The following ATP4A variants were observed in gnomAD, a reference collection of about 807,000 sequenced individuals.
ATP4A encodes the protein potassium-transporting ATPase alpha chain 1.
A neutral mutation model predicts 112.1 loss-of-function variants in ATP4A; 73 were observed. That is an observed-to-expected ratio of 0.65 (90% CI 0.54 to 0.79). ATP4A has a LOEUF of 0.79. ATP4A is among the 30% of genes least tolerant of loss of function. The pLI is 0.00. For missense variants in ATP4A, 1,081 were observed against 1,425.9 expected (o/e 0.76, Z 3.90); for synonymous variants, 588 against 588.9 (o/e 1.00, Z 0.02).
At position 35,560,671 on chromosome 19, in the gene ATP4A, G is replaced by A. The variant is rs1177767788; in HGVS notation, c.535-56C>T. The stretch of plus-strand genomic sequence containing the variant: ...GACGGGGGTGGGGGTGGGAGCTGCT[G>A]CATGTGGGGAGGTAAAGGATGAGGA... On this transcript the variant is annotated intron_variant, in intron 5 of 21. Transcript: ENST00000262623. The surrounding 1 kb of genome is among the most constrained non-coding windows in gnomAD (Gnocchi z 5.1). The A allele has an allele frequency of 3.8e-6, 6 of 1,589,616 alleles. No individual in the cohort carries two copies. Among genetic ancestry groups the A allele is most frequent in the Admixed American group, 1.7e-5 (1 of 59,168 alleles).
intron 12 of ATP4A, among the ~76,000 whole-genome samples, chr19:35,556,226 G>A (rs1001179583): frequency 6.6e-6 from 1 of 152,166 alleles, no homozygotes; most frequent in Admixed American, 6.5e-5. Flanking sequence ...GCCCTGAGGT[G>A]AGGACAGGCC....
In ATP4A at chr19:35,558,785, G is replaced by T. The variant is rs2071649316; in HGVS notation, c.1256-99C>A. 2.9e-6 allele frequency: 4 copies of T among 1,358,604 alleles called. No homozygotes were observed. The highest frequency in any genetic ancestry group is 4.0e-6 in the Non-Finnish European group (4 of 1,012,178). 84.2% of individuals were successfully genotyped at this position (1,358,604 alleles called of 1,614,324 possible). A position where few individuals can be genotyped will look rare whatever the true frequency, so the allele number is the denominator to read the frequency against. On this transcript the variant is annotated intron_variant, in intron 8 of 21. Transcript: ENST00000262623. This position sits in a 1 kb window ranked among gnomAD's most constrained non-coding sequence, Gnocchi z 5.1. The stretch of plus-strand genomic sequence containing the variant: ...GCTCATATCGCGGGCCCCCTCCCCA[G>T]ACCTGGGTGGAATTGGGTTCCACCC...
Position 35,559,158 on chromosome 19 carries a change from T to C in ATP4A, c.1090A>G (p.Ser364Gly). Reference protein sequence around the residue: ...CLSLTAKRLASKNCVVKNLEA... With the variant: ...CLSLTAKRLAGKNCVVKNLEA... ...AGGTTCTTGACCACGCAGTTCTTAC[T>C]GGCCAGGCGCTTGGCTGTCAGGGAC... The change falls in exon 8 of 22, where the codon AGT becomes GGT. Residue 364 changes from serine to glycine, a missense_variant. Transcript: ENST00000262623. The surrounding 1 kb of genome is among the most constrained non-coding windows in gnomAD (Gnocchi z 4.1). 6.2e-7 allele frequency: 1 copy of C among 1,614,152 alleles called. No homozygotes were observed. The highest frequency in any genetic ancestry group is 8.5e-7 in the Non-Finnish European group (1 of 1,180,032).
Position 35,560,240 on chromosome 19 carries a change from C to CGGGGAGGTGGCAGTCAT in ATP4A, c.787+106_787+122dup. 1.3e-6 allele frequency: 2 copies of CGGGGAGGTGGCAGTCAT among 1,537,180 alleles called. No homozygotes were observed. The highest frequency in any genetic ancestry group is 4.5e-5 in the East Asian group (2 of 44,322). ...GTGTGCCCTGGGGAGGTGGCAGTCACGGGGAGGTGGCAGTCATGCAGGAGA... is the reference window on the plus strand; with the variant it reads ...GTGTGCCCTGGGGAGGTGGCAGTCACGGGGAGGTGGCAGTCATGGGGAGGTGGCAGTCATGCAGGAGA... On this transcript the variant is annotated intron_variant, in intron 6 of 21. Coordinates refer to ENST00000262623, the MANE Select transcript of ATP4A (RefSeq NM_000704.3). The surrounding 1 kb of genome is among the most constrained non-coding windows in gnomAD (Gnocchi z 5.1).
intron 12 of ATP4A, 104 bp downstream of exon 12, chr19:35,556,809 T>C (rs1468041321): frequency 1.5e-6 from 2 of 1,364,720 alleles, no homozygotes; most frequent in Non-Finnish European, 2.0e-6. Flanking sequence ...CAATGCATTT[T>C]GGTTCAAGCC....
At position 35,557,131 on chromosome 19, in the gene ATP4A, C is replaced by G; in HGVS notation, c.1694-43G>C. The stretch of plus-strand genomic sequence containing the variant: ...AGTCAGGGAAGAGCCCTGGGCACAC[C>G]CTTTCTTAGCAGGGCCAGGAAATGG... On this transcript the variant is annotated intron_variant, in intron 11 of 21. Coordinates refer to ENST00000262623, the MANE Select transcript of ATP4A (RefSeq NM_000704.3). This position sits in a 1 kb window ranked among gnomAD's most constrained non-coding sequence, Gnocchi z 4.4. 6.2e-7 allele frequency: 1 copy of G among 1,605,048 alleles called. No homozygotes were observed. Among genetic ancestry groups the G allele is most frequent in the South Asian group, 1.1e-5 (1 of 90,570 alleles).
chr19:35,562,771 G>A, intron 3 of ATP4A, 133 bp from the exon 4 acceptor site: 1 of 885,376 alleles, frequency 1.1e-6, no homozygotes, highest in Non-Finnish European at 1.7e-6. Context: ...TTGTCTCTTG[G>A]TTCCTGCCCC....
chr19:35,553,563 G>T, intron 17 of ATP4A, 143 bp downstream of exon 17: 1 of 1,246,288 alleles, frequency 8.0e-7, no homozygotes, highest in Non-Finnish European at 1.1e-6. Context: ...AACAGAGAGG[G>T]ACACGGAGGA....
rs539328184 is a variant in ATP4A at position 35,555,884 on chromosome 19, C to T, written c.1870-72G>A. 2.0e-6 allele frequency: 3 copies of T among 1,529,840 alleles called. No individual in the cohort carries two copies. The highest frequency in any genetic ancestry group is 1.8e-6 in the Non-Finnish European group (2 of 1,132,636). The allele number at this position is 1,529,840 out of a possible 1,614,324, so 94.8% of individuals were successfully genotyped here. The stretch of plus-strand genomic sequence containing the variant: ...TCTCCCTGTCCTCCCTGGGAGACAT[C>T]TGCTGATACACGTGTTCATTTACTT... On this transcript the variant is annotated intron_variant, in intron 12 of 21. Transcript: ENST00000262623. This position sits in a 1 kb window ranked among gnomAD's most constrained non-coding sequence, Gnocchi z 6.6.
At chr19:35,553,381 GAC>G (rs1047485324) in intron 17 of ATP4A, among the ~76,000 whole-genome samples, 199 bp from the exon 18 acceptor site, 1 of 152,084 alleles carries the variant, frequency 6.6e-6, no homozygotes, top group East Asian at 1.9e-4. Context: ...CAGTGACAGA[GAC>G]ACAGAGGCAG....
In ATP4A at chr19:35,555,121, C is replaced by T. The variant is rs762376654; in HGVS notation, c.2326+45G>A. 5.0e-6 allele frequency: 8 copies of T among 1,613,700 alleles called. No homozygotes were observed. Among genetic ancestry groups the T allele is most frequent in the African/African-American group, 1.3e-5 (1 of 74,904 alleles). On this transcript the variant is annotated intron_variant, in intron 15 of 21. Transcript: ENST00000262623. This position sits in a 1 kb window ranked among gnomAD's most constrained non-coding sequence, Gnocchi z 6.6. ...CCTCAGCCTCCTCACAGCCCTCTCC[C>T]TCCTGTGCCCACACTGCCTGCCCTC...
rs1036467168 is a variant in ATP4A at position 35,555,547 on chromosome 19, T to C, written c.2050A>G (p.Met684Val). 8 of 1,594,662 alleles carry C rather than the reference T, an allele frequency of 5.0e-6. No individual in the cohort carries two copies. Among genetic ancestry groups the C allele is most frequent in the Non-Finnish European group, 6.9e-6 (8 of 1,166,508 alleles). ...CVINGMQLKD[M>V]DPSELVEALR... is the part of the protein sequence containing the mutation. ...GCCTCGACCAGTTCCGATGGGTCCA[T>C]GTCCTTCAGCTGCATGCCATTGATC... Residue 684 changes from methionine (M) to valine (V), a missense_variant, in exon 14 of 22, where the codon ATG (methionine) becomes GTG (valine). Met to Val is a conservative substitution (Grantham distance 21, BLOSUM62 1). Coordinates refer to ENST00000262623, the MANE Select transcript of ATP4A (RefSeq NM_000704.3). The surrounding 1 kb of genome is among the most constrained non-coding windows in gnomAD (Gnocchi z 6.6).
At position 35,554,873 on chromosome 19, in the gene ATP4A, A is replaced by T. The variant is rs768875718; in HGVS notation, c.2481+49T>A. On this transcript the variant is annotated intron_variant, in intron 16 of 21. Coordinates refer to ENST00000262623, the MANE Select transcript of ATP4A (RefSeq NM_000704.3). The stretch of plus-strand genomic sequence containing the variant: ...CTGTCCCTCCTGTCCATCTGCAAGC[A>T]AGTGTCTCTGGGCACCCTGTGGATG... The T allele has an allele frequency of 3.1e-6, 5 of 1,611,502 alleles. No individual in the cohort carries two copies. The South Asian group carries it at 3.3e-5, about 11-fold the overall frequency.
rs910316933 is a variant in ATP4A at position 35,562,291 on chromosome 19, A to G, written c.420+144T>C. 15 of 977,790 alleles carry G rather than the reference A, an allele frequency of 1.5e-5. No homozygotes were observed. The African/African-American group carries it at 2.3e-4, about 15-fold the overall frequency. The allele number at this position is 977,790 out of a possible 1,614,324, so 60.6% of individuals were successfully genotyped here. ...CCCCATCCATATCCCAATGTCCTTC[A>G]CCCTCCATGACCCCTGTCTTGAGAC... On this transcript the variant is annotated intron_variant, in intron 4 of 21. Coordinates refer to ENST00000262623, the MANE Select transcript of ATP4A (RefSeq NM_000704.3).
intron 18 of ATP4A, among the ~76,000 whole-genome samples, chr19:35,552,359 C>G (rs1238155135): frequency 6.6e-6 from 1 of 152,204 alleles, no homozygotes; most frequent in Non-Finnish European, 1.5e-5. Flanking sequence ...AGAATCCCAG[C>G]AAGGGCTCCC....
intron 12 of ATP4A, among the ~76,000 whole-genome samples, chr19:35,556,203 A>G (rs1419746096): frequency 2.6e-5 from 4 of 152,164 alleles, no homozygotes; most frequent in Non-Finnish European, 1.5e-5. Flanking sequence ...CAGGGAGAAC[A>G]GCAGGTGCAA....
chr19:35,560,215 G>T lies in ATP4A; in HGVS notation c.788-142C>A. ...AGTGACAGTGGGAGACAGAGAAGCAGTGTGCCCTGGGGAGGTGGCAGTCAC... is the reference window on the plus strand; with the variant it reads ...AGTGACAGTGGGAGACAGAGAAGCATTGTGCCCTGGGGAGGTGGCAGTCAC... On this transcript the variant is annotated intron_variant, in intron 6 of 21. Transcript: ENST00000262623. The surrounding 1 kb of genome is among the most constrained non-coding windows in gnomAD (Gnocchi z 5.1). The T allele has an allele frequency of 6.6e-7, 1 of 1,522,898 alleles. No homozygotes were observed. The highest frequency in any genetic ancestry group is 8.9e-7 in the Non-Finnish European group (1 of 1,124,422). 94.3% of individuals were successfully genotyped at this position (1,522,898 alleles called of 1,614,324 possible).
chr19:35,563,569 A>AC (rs760849834), intron 1 of ATP4A, 42 bp from the exon 2 acceptor site: 7 of 1,613,428 alleles, frequency 4.3e-6, no homozygotes, highest in Non-Finnish European at 5.9e-6. Flanking sequence ...CTCAGATTCC[A>AC]CTGCAACCCC....
At position 35,550,388 on chromosome 19, in the gene ATP4A, AG is replaced by A. The variant is rs1224798376; in HGVS notation, c.*226del. ...GTGGCGGCTTTCCCGAGGCCAGCCCAGAGGACTGCCCAGGCGCTGCTGCTCC... is the reference window on the plus strand; with the variant it reads ...GTGGCGGCTTTCCCGAGGCCAGCCCAAGGACTGCCCAGGCGCTGCTGCTCC... On this transcript the variant is annotated 3_prime_UTR_variant, in exon 22 of 22. Coordinates refer to ENST00000262623, the MANE Select transcript of ATP4A (RefSeq NM_000704.3). This position sits in a 1 kb window ranked among gnomAD's most constrained non-coding sequence, Gnocchi z 4.1. 8.3e-6 allele frequency: 5 copies of A among 600,842 alleles called. No homozygotes were observed. Among genetic ancestry groups the A allele is most frequent in the Non-Finnish European group, 1.4e-5 (5 of 345,030 alleles). 37.2% of individuals were successfully genotyped at this position (600,842 alleles called of 1,614,324 possible).
Sources: gnomAD v4.1 joint callset for allele counts (sites outside exome capture counted in the v4.1 genomes callset) on GRCh38, gnomAD v4.1.1 for gene constraint, Gnocchi (gnomAD v3.1) non-coding constraint, MANE v1.5 for transcripts, NCBI Gene and HGNC (gene_info 2026-07-23, HGNC 2026-07-21) for gene names.